Variants in NRIP1 observed in about 807,000 individuals in gnomAD.
The protein encoded by NRIP1 is nuclear receptor-interacting protein 1.
In NRIP1, 28 loss-of-function variants were observed where a neutral mutation model predicts 75.0. That is an observed-to-expected ratio of 0.37 (90% CI 0.28 to 0.51). NRIP1 has a LOEUF of 0.51. NRIP1 is among the 20% of genes least tolerant of loss of function. The pLI is 0.92. For synonymous variants in NRIP1, 526 were observed against 487.6 expected, an observed-to-expected ratio of 1.08 and a Z score of -1.04; for missense variants, 1,435 against 1,343.7, an observed-to-expected ratio of 1.07 and a Z score of -1.06.
chr21:14,975,628 A>C (rs1327632738), intron 3 of NRIP1, among the ~76,000 whole-genome samples: 1 of 302 alleles, frequency 3.3e-3, no homozygotes, highest in African/African-American at 0.016. Context: ...TATTTCTTTA[A>C]AAAAAAAAAA....
Position 14,961,545 on chromosome 21 carries a change from TTA to T in NRIP1, c.*3169_*3170del, listed in dbSNP as rs1600792903. 2 of 152,540 alleles carry T rather than the reference TTA, an allele frequency of 1.3e-5. No individual in the cohort carries two copies. The highest frequency in any genetic ancestry group is 4.8e-5 in the African/African-American group (2 of 41,538). 9.4% of individuals were successfully genotyped at this position (152,540 alleles called of 1,614,324 possible). A position where few individuals can be genotyped will look rare whatever the true frequency, so the allele number is the denominator to read the frequency against. On this transcript the variant is annotated 3_prime_UTR_variant, in exon 4 of 4. Coordinates refer to ENST00000318948, the MANE Select transcript of NRIP1 (RefSeq NM_003489.4). ...TCATGAAAGTAGTTGTGTGAATTCT[TTA>T]TGTTTAAAAGTGGTTGACGATTAAA...
At chr21:14,974,682 C>G (rs567951922) in intron 3 of NRIP1, among the ~76,000 whole-genome samples, 104 of 152,320 alleles carry the variant, frequency 6.8e-4, no homozygotes, top group African/African-American at 2.4e-3. Context: ...CCACAAAACA[C>G]TTGAGTGTTG....
At chr21:15,029,218 G>T (rs1334592210) in intron 2 of NRIP1, among the ~76,000 whole-genome samples, 1 of 152,118 alleles carries the variant, frequency 6.6e-6, no homozygotes, top group East Asian at 1.9e-4. Context: ...GCTAAAACAT[G>T]ATATTGGGCC....
At chr21:15,027,233 A>T (rs116400351) in intron 2 of NRIP1, among the ~76,000 whole-genome samples, 135 of 152,328 alleles carry the variant, frequency 8.9e-4, no homozygotes, top group African/African-American at 3.1e-3. Flanking sequence ...CAACATATCG[A>T]CAGATTCAGC....
chr21:15,002,983 C>G (rs573216175), intron 3 of NRIP1, among the ~76,000 whole-genome samples: 1 of 152,096 alleles, frequency 6.6e-6, no homozygotes, highest in African/African-American at 2.4e-5. Context: ...ATTTAAAAAG[C>G]ACCTTTAACA....
chr21:14,978,041 G>C (rs1352664656), intron 3 of NRIP1, among the ~76,000 whole-genome samples: 1 of 152,116 alleles, frequency 6.6e-6, no homozygotes, highest in Non-Finnish European at 1.5e-5. Flanking sequence ...TTAATTTTTT[G>C]GCCCAAGGCC....
chr21:15,033,224 CA>C (rs11379755), intron 2 of NRIP1, among the ~76,000 whole-genome samples: 36,430 of 110,476 alleles, frequency 0.33, 5,114 homozygotes, highest in South Asian at 0.48. Context: ...GACTCTGTCT[CA>C]AAAAAAAAAA....
rs781665843 is a variant in NRIP1 at position 14,986,564 on chromosome 21, T to G, written c.-334-18038A>C. Among the ~76,000 whole-genome samples, 11 of 152,328 alleles carry G rather than the reference T, an allele frequency of 7.2e-5. No homozygotes were observed. The Middle Eastern group carries it at 0.01, about 141-fold the overall frequency. On this transcript the variant is annotated intron_variant, in intron 3 of 3. Coordinates refer to ENST00000318948, the MANE Select transcript of NRIP1 (RefSeq NM_003489.4). Reference sequence around the variant, plus strand: ...GGTCTGAGAAGGCTAAAAAGTCATGTGGGTCCAGAAAAGATCTCACTTTGC... The same window carrying G: ...GGTCTGAGAAGGCTAAAAAGTCATGGGGGTCCAGAAAAGATCTCACTTTGC...
intron 3 of NRIP1, among the ~76,000 whole-genome samples, chr21:14,976,598 G>A (rs1273448416): frequency 1.3e-5 from 2 of 151,978 alleles, no homozygotes; most frequent in African/African-American, 2.4e-5. Flanking sequence ...TATTTTCATT[G>A]CAATATGTTT....
intron 1 of NRIP1, among the ~76,000 whole-genome samples, chr21:15,062,417 C>T (rs1978378739): frequency 6.6e-6 from 1 of 152,196 alleles, no homozygotes; most frequent in Admixed American, 6.5e-5. Context: ...GTTCTAATGG[C>T]ATCTGATTGG....
At chr21:15,036,362 A>T (rs1222054308) in intron 2 of NRIP1, among the ~76,000 whole-genome samples, 1 of 152,166 alleles carries the variant, frequency 6.6e-6, no homozygotes, top group East Asian at 1.9e-4. Flanking sequence ...TCCTCCTCCC[A>T]AATTCAGTTT....
chr21:15,059,764 CT>C (rs751029971), intron 1 of NRIP1, among the ~76,000 whole-genome samples: 1 of 152,002 alleles, frequency 6.6e-6, no homozygotes, highest in African/African-American at 2.4e-5. Flanking sequence ...TAAGAGGATC[CT>C]TTTTTTCATA....
chr21:15,046,169 G>T (rs1373789952), intron 1 of NRIP1, among the ~76,000 whole-genome samples: 1 of 152,068 alleles, frequency 6.6e-6, no homozygotes, highest in East Asian at 1.9e-4. Context: ...AATTGCCTTT[G>T]CCCAGATCCA....
At chr21:14,980,726 T>C (rs549723823) in intron 3 of NRIP1, among the ~76,000 whole-genome samples, 1 of 152,012 alleles carries the variant, frequency 6.6e-6, no homozygotes, top group Non-Finnish European at 1.5e-5. Flanking sequence ...AAGTACCACC[T>C]GCTGTAGCTT....
Position 14,965,852 on chromosome 21 carries a change from A to AT in NRIP1, c.2340dup (p.Phe781IlefsTer22). On this transcript the variant is annotated frameshift_variant, in exon 4 of 4. Transcript: ENST00000318948. LOFTEE classifies it high-confidence loss of function. ...TGCACAGCAGGAGCCATACCCAAGA[A>AT]TGGGGCACTCTTAGCATCATGGCTC... 6.2e-7 allele frequency: 1 copy of AT among 1,614,090 alleles called. No individual in the cohort carries two copies. The highest frequency in any genetic ancestry group is 8.5e-7 in the Non-Finnish European group (1 of 1,179,984).
chr21:15,043,658 A>T (rs2089006796), intron 1 of NRIP1, 84 bp from the exon 2 acceptor site: 1 of 152,222 alleles, frequency 6.6e-6, no homozygotes, highest in African/African-American at 2.4e-5. Context: ...ACTACTAACT[A>T]AATCATCTCA....
intron 3 of NRIP1, among the ~76,000 whole-genome samples, chr21:14,994,633 T>G (rs2087670633): frequency 3.9e-5 from 6 of 152,208 alleles, no homozygotes; most frequent in Admixed American, 3.9e-4. Flanking sequence ...TGAAAAACAT[T>G]GTTGTCAACT....
intron 3 of NRIP1, among the ~76,000 whole-genome samples, chr21:14,982,796 G>C (rs907892669): frequency 6.7e-5 from 10 of 148,522 alleles, no homozygotes; most frequent in Non-Finnish European, 1.2e-4. Flanking sequence ...CCAACAGCAT[G>C]TGCCCACTTT....
intron 1 of NRIP1, among the ~76,000 whole-genome samples, chr21:15,043,970 C>T (rs2089015181): frequency 6.6e-6 from 1 of 152,152 alleles, no homozygotes; most frequent in Non-Finnish European, 1.5e-5. Flanking sequence ...AGGTGCCCAG[C>T]ACCACGCCCG....
Sources: allele counts gnomAD v4.1 joint callset (sites outside exome capture counted in the v4.1 genomes callset), GRCh38; gene constraint gnomAD v4.1.1; transcripts MANE v1.5; gene names NCBI Gene and HGNC (gene_info 2026-07-23, HGNC 2026-07-21).